The following ABL1 variants were observed in gnomAD, a reference collection of about 807,000 sequenced individuals.
ABL1 encodes ABL proto-oncogene 1, non-receptor tyrosine kinase.
A neutral mutation model predicts 94.7 loss-of-function variants in ABL1; 11 were observed. The observed-to-expected ratio is 0.12, with a 90% CI of 0.07 to 0.19. ABL1 has a LOEUF of 0.19. Ranked by LOEUF, ABL1 falls within the 10% of genes least tolerant of loss-of-function variation. The probability of loss-of-function intolerance (pLI) is 1.00; values close to 1 mark genes in which losing one functional copy is unlikely to be tolerated. For missense variants in ABL1, 1,082 were observed against 1,489.4 expected (o/e 0.73, Z 4.50); for synonymous variants, 656 against 622.4 (o/e 1.05, Z -0.80).
At chr9:130,819,933 G>C (rs540308653) in intron 1 of ABL1, among the ~76,000 whole-genome samples, 51 of 151,582 alleles carry the variant, frequency 3.4e-4, no homozygotes, top group Non-Finnish European at 6.2e-4. Context: ...TTCCTGGTAT[G>C]GACATTTATA....
At chr9:130,738,946 G>A (rs959862487) in intron 1 of ABL1, among the ~76,000 whole-genome samples, 8 of 152,224 alleles carry the variant, frequency 5.3e-5, no homozygotes, top group African/African-American at 1.2e-4. Context: ...GCAGTGGTGC[G>A]ATCTCGATTC....
chr9:130,805,548 A>G (rs765531894), intron 1 of ABL1, among the ~76,000 whole-genome samples: 5 of 152,178 alleles, frequency 3.3e-5, no homozygotes, highest in African/African-American at 9.7e-5. Flanking sequence ...TTGATCTCCA[A>G]AGTTTCCCAA....
chr9:130,811,460 G>A (rs530629358), intron 1 of ABL1, among the ~76,000 whole-genome samples: 4 of 152,288 alleles, frequency 2.6e-5, no homozygotes, highest in Admixed American at 2.0e-4. Context: ...TTACATAGAA[G>A]TAAAGTTTAT....
At chr9:130,844,919 AG>A (rs1830739865) in intron 1 of ABL1, among the ~76,000 whole-genome samples, 1 of 152,180 alleles carries the variant, frequency 6.6e-6, no homozygotes, top group Non-Finnish European at 1.5e-5. Context: ...TTTTAGTAAG[AG>A]GTTAGTGAAA....
chr9:130,862,643 G>GAGAGC lies in ABL1; in HGVS notation c.550-119_550-115dup. On this transcript the variant is annotated intron_variant, in intron 3 of 10. Transcript: ENST00000318560. This position sits in a 1 kb window ranked among gnomAD's most constrained non-coding sequence, Gnocchi z 5.5. Reference sequence around the variant, plus strand: ...TCTTCTAAACACTCTGTCCTGTGTGGAGAGCTCCTTATGTGAGATTTTGCT... The same window carrying GAGAGC: ...TCTTCTAAACACTCTGTCCTGTGTGGAGAGCAGAGCTCCTTATGTGAGATTTTGCT... The GAGAGC allele has an allele frequency of 9.1e-7, 1 of 1,097,214 alleles. No individual in the cohort carries two copies. The highest frequency in any genetic ancestry group is 2.6e-5 in the East Asian group (1 of 39,062). The allele number at this position is 1,097,214 out of a possible 1,614,324, so 68.0% of individuals were successfully genotyped here.
At chr9:130,756,805 A>G (rs1296293538) in intron 1 of ABL1, among the ~76,000 whole-genome samples, 3 of 152,168 alleles carry the variant, frequency 2.0e-5, no homozygotes, top group Non-Finnish European at 4.4e-5. Flanking sequence ...TAACTTGGCT[A>G]TAAGAAGGTT....
intron 1 of ABL1, among the ~76,000 whole-genome samples, chr9:130,767,132 C>T (rs1212849569): frequency 6.6e-6 from 1 of 152,192 alleles, no homozygotes; most frequent in Non-Finnish European, 1.5e-5. Context: ...TTCGGAAAGA[C>T]CTTCCCTGAT....
In ABL1 at chr9:130,885,581, T is replaced by A; in HGVS notation, c.3291T>A (p.Leu1097=). Residue 1097 remains leucine (L), a synonymous_variant, in exon 11 of 11, where the codon CTT becomes CTA. Transcript: ENST00000318560. The stretch of plus-strand genomic sequence containing the variant: ...AACTGGAGAATAATCTCCGGGAGCT[T>A]CAGATCTGCCCGGCGACAGCAGGCA... ...INKLENNLRE[L]QICPATAGSG... is the part of the protein sequence containing the mutation. 6.2e-7 allele frequency: 1 copy of A among 1,613,862 alleles called. No individual in the cohort carries two copies. Among genetic ancestry groups the A allele is most frequent in the South Asian group, 1.1e-5 (1 of 91,084 alleles).
At chr9:130,878,049 G>A (rs949750930) in intron 7 of ABL1, among the ~76,000 whole-genome samples, 6 of 152,174 alleles carry the variant, frequency 3.9e-5, no homozygotes, top group Non-Finnish European at 7.4e-5. Context: ...TCCTGACCTC[G>A]TGATCCGCCC....
exon 1 of ABL1, chr9:130,713,882 G>A (rs927338653): frequency 5.2e-5 from 12 of 231,452 alleles, no homozygotes; most frequent in Admixed American, 1.7e-4. Flanking sequence ...AAGATAGGGG[G>A]TTGGTGACTT....
chr9:130,805,197 C>T (rs2132839043), intron 1 of ABL1, among the ~76,000 whole-genome samples: 1 of 152,334 alleles, frequency 6.6e-6, no homozygotes, highest in Admixed American at 6.5e-5. Flanking sequence ...CTGCCTCAGC[C>T]TCCCGAGTAG....
At chr9:130,786,261 G>A (rs544799023) in intron 1 of ABL1, among the ~76,000 whole-genome samples, 72 of 152,276 alleles carry the variant, frequency 4.7e-4, no homozygotes, top group African/African-American at 1.7e-3. Context: ...TCGTTGTCTG[G>A]TTCCTAGCTC....
At chr9:130,813,710 A>G (rs1479116885) in intron 1 of ABL1, among the ~76,000 whole-genome samples, 2 of 152,224 alleles carry the variant, frequency 1.3e-5, no homozygotes, top group African/African-American at 2.4e-5. Flanking sequence ...AAGAAAATCA[A>G]CAGCGAAGTA....
chr9:130,859,672 CTTTCCTTTTTT>C (rs1329133258), intron 3 of ABL1, among the ~76,000 whole-genome samples: 51 of 86,576 alleles, frequency 5.9e-4, no homozygotes, highest in African/African-American at 2.1e-3. Context: ...TCTTTTCTTT[CTTTCCTTTTTT>C]TTTTTTTTTT....
At chr9:130,736,717 C>T (rs1831749178) in intron 1 of ABL1, among the ~76,000 whole-genome samples, 1 of 152,304 alleles carries the variant, frequency 6.6e-6, no homozygotes, top group South Asian at 2.1e-4. Context: ...TCTCAAACTT[C>T]CGATCTCAGG....
At chr9:130,861,592 A>G (rs1361082599) in intron 3 of ABL1, among the ~76,000 whole-genome samples, 1 of 152,110 alleles carries the variant, frequency 6.6e-6, no homozygotes, top group African/African-American at 2.4e-5. Flanking sequence ...TATTACAGTT[A>G]TAGCTGAAGC....
In ABL1 at chr9:130,880,671, C is replaced by G. The variant is rs763181977; in HGVS notation, c.1678+7C>G. The stretch of plus-strand genomic sequence containing the variant: ...AAGGGCCAGGGAGAGAGCGGTAAGT[C>G]CCCCGCTTCCCCCAACCCCACTGCT... On this transcript the variant is annotated splice_region_variant and intron_variant, in intron 10 of 10. Coordinates refer to ENST00000318560, the MANE Select transcript of ABL1 (RefSeq NM_005157.6). This position sits in a 1 kb window ranked among gnomAD's most constrained non-coding sequence, Gnocchi z 4.4. The G allele has an allele frequency of 6.8e-6, 11 of 1,612,170 alleles. No homozygotes were observed. In the South Asian group the frequency reaches 1.1e-4, roughly 16 times the overall value.
intron 1 of ABL1, among the ~76,000 whole-genome samples, chr9:130,720,585 C>T (rs1302276053): frequency 6.6e-6 from 1 of 152,096 alleles, no homozygotes; most frequent in Non-Finnish European, 1.5e-5. Context: ...TGGCCCATTT[C>T]AAGGATTTTG....
At position 130,872,410 on chromosome 9, in the gene ABL1, TATGA is replaced by T. The variant is rs1831267558; in HGVS notation, c.907+198_907+201del. Among the ~76,000 whole-genome samples the T allele has an allele frequency of 6.6e-6, 1 of 152,242 alleles. No homozygotes were observed. The highest frequency in any genetic ancestry group is 6.5e-5 in the Admixed American group (1 of 15,290). On this transcript the variant is annotated intron_variant, in intron 5 of 10. Transcript: ENST00000318560. The surrounding 1 kb of genome is among the most constrained non-coding windows in gnomAD (Gnocchi z 5.0). ...GTGTGTGCACATATGCACATGTATG[TATGA>T]GAGGGAGAATGTGATTATTTTAAGT... is the stretch of plus-strand genomic sequence containing the variant.
Sources: allele counts gnomAD v4.1 joint callset (sites outside exome capture counted in the v4.1 genomes callset), GRCh38; gene constraint gnomAD v4.1.1; non-coding constraint Gnocchi (gnomAD v3.1); transcripts MANE v1.5; gene names NCBI Gene and HGNC (gene_info 2026-07-23, HGNC 2026-07-21).